Variants in IQCM observed in about 807,000 individuals in gnomAD.
IQCM encodes the protein IQ domain-containing protein M.
Under a neutral mutation model 57.6 loss-of-function variants are expected in IQCM, and 45 were observed. That is an observed-to-expected ratio of 0.78 (90% CI 0.62 to 1.00). IQCM has a LOEUF of 1.00. Ranked by LOEUF, IQCM falls within the 50% of genes least tolerant of loss-of-function variation. The pLI is 0.00. For synonymous variants in IQCM, 148 were observed against 158.9 expected, an observed-to-expected ratio of 0.93 and a Z score of 0.51; for missense variants, 468 against 511.6, an observed-to-expected ratio of 0.91 and a Z score of 0.82.
chr4:149,503,863 G>A (rs1006728172), intron 12 of IQCM, among the ~76,000 whole-genome samples: 9 of 151,774 alleles, frequency 5.9e-5, no homozygotes, highest in Admixed American at 5.3e-4. Context: ...ACATCAAATT[G>A]GAGATGAAAT....
intron 5 of IQCM, among the ~76,000 whole-genome samples, chr4:149,732,542 C>G (rs970153931): frequency 6.6e-6 from 1 of 152,160 alleles, no homozygotes; most frequent in African/African-American, 2.4e-5. Flanking sequence ...CTTTTAATTG[C>G]TGTTTCTCCA....
At chr4:149,476,648 A>G (rs1464663410) in intron 12 of IQCM, among the ~76,000 whole-genome samples, 1 of 152,186 alleles carries the variant, frequency 6.6e-6, no homozygotes, top group Non-Finnish European at 1.5e-5. Flanking sequence ...AATAAAAGAC[A>G]TCAACCGAAA....
At chr4:149,481,711 T>TTTGTTTTTTTTTTTGTTTTTTTTTG (rs1560896074) in intron 12 of IQCM, among the ~76,000 whole-genome samples, 2 of 137,854 alleles carry the variant, frequency 1.5e-5, no homozygotes, top group African/African-American at 5.4e-5. Context: ...GTTTTTTTTT[T>TTTGTTTTTTTTTTTGTTTTTTTTTG]TTTTTTTTTT....
At chr4:149,527,240 T>G (rs1257926648) in intron 12 of IQCM, among the ~76,000 whole-genome samples, 1 of 152,246 alleles carries the variant, frequency 6.6e-6, no homozygotes, top group Non-Finnish European at 1.5e-5. Flanking sequence ...ATGAAGTGAC[T>G]ACTATTTATG....
chr4:149,738,525 G>A lies in IQCM; in HGVS notation c.38-3067C>T, dbSNP rs770804986. 3.9e-5 allele frequency among the ~76,000 whole-genome samples: 6 copies of A among 152,184 alleles called. No individual in the cohort carries two copies. In the East Asian group the frequency reaches 9.7e-4, roughly 25 times the overall value. On this transcript the variant is annotated intron_variant, in intron 3 of 13. Coordinates refer to ENST00000636793, the MANE Select transcript of IQCM (RefSeq NM_001363507.2). ...TGTGGACCGTGGAGAAACTATATGC[G>A]CTCTAGTAGCGCTAATGGCCTTGCT...
At chr4:149,571,768 A>T (rs1320962320) in intron 9 of IQCM, among the ~76,000 whole-genome samples, 1 of 152,124 alleles carries the variant, frequency 6.6e-6, no homozygotes, top group Non-Finnish European at 1.5e-5. Flanking sequence ...TTTTGTCTGT[A>T]AATAAAAATA....
chr4:149,708,128 A>T (rs1764294590), intron 5 of IQCM, among the ~76,000 whole-genome samples: 1 of 152,014 alleles, frequency 6.6e-6, no homozygotes, highest in Non-Finnish European at 1.5e-5. Context: ...ACACAGTCAG[A>T]ATGTTTCCCA....
intron 2 of IQCM, among the ~76,000 whole-genome samples, chr4:149,805,728 T>C (rs1281019909): frequency 6.6e-6 from 1 of 152,034 alleles, no homozygotes; most frequent in Non-Finnish European, 1.5e-5. Flanking sequence ...CAATTTCATA[T>C]CAATGTCATC....
At chr4:149,357,063 A>T (rs1290204306) in intron 13 of IQCM, among the ~76,000 whole-genome samples, 2 of 152,034 alleles carry the variant, frequency 1.3e-5, no homozygotes, top group African/African-American at 2.4e-5. Context: ...TATTGGTGTA[A>T]AAGAATGCTT....
At chr4:149,720,579 T>C (rs1765364286) in intron 5 of IQCM, among the ~76,000 whole-genome samples, 1 of 152,150 alleles carries the variant, frequency 6.6e-6, no homozygotes, top group South Asian at 2.1e-4. Flanking sequence ...GTTCAAGACA[T>C]TTGTCATTCA....
At chr4:149,591,106 C>T (rs548965290) in intron 8 of IQCM, among the ~76,000 whole-genome samples, 2 of 152,128 alleles carry the variant, frequency 1.3e-5, no homozygotes, top group Admixed American at 1.3e-4. Flanking sequence ...ACTTTTCATA[C>T]TCCTTTTCCC....
Position 149,815,656 on chromosome 4 carries a change from T to G in IQCM, c.-143A>C, listed in dbSNP as rs1774994819. 1.3e-5 allele frequency: 2 copies of G among 152,018 alleles called. No homozygotes were observed. The allele number at this position is 152,018 out of a possible 1,614,324, so 9.4% of individuals were successfully genotyped here. On this transcript the variant is annotated 5_prime_UTR_variant, in exon 1 of 14. The change abolishes an upstream ATG in the 5' untranslated region. Coordinates refer to ENST00000636793, the MANE Select transcript of IQCM (RefSeq NM_001363507.2). ...AAACAAATTCACTGCCCCAAAATCA[T>G]AATAATCTCAGTTGCTTCACAGCAT...
intron 12 of IQCM, among the ~76,000 whole-genome samples, chr4:149,518,558 C>G (rs1432074214): frequency 1.3e-5 from 2 of 152,010 alleles, no homozygotes. Context: ...TAGCATATTA[C>G]AAGTCACATG....
At chr4:149,398,187 C>A (rs1732364894) in intron 13 of IQCM, among the ~76,000 whole-genome samples, 2 of 151,788 alleles carry the variant, frequency 1.3e-5, no homozygotes, top group South Asian at 4.2e-4. Flanking sequence ...ATTAGTTGAC[C>A]ATGTATGGGT....
intron 12 of IQCM, among the ~76,000 whole-genome samples, chr4:149,455,234 G>A (rs1737567980): frequency 6.6e-6 from 1 of 152,010 alleles, no homozygotes; most frequent in Admixed American, 6.6e-5. Flanking sequence ...GGGAGATGAA[G>A]GCTGTAAGAT....
chr4:149,461,541 C>G lies in IQCM; in HGVS notation c.1229-27984G>C, dbSNP rs1738284657. ...TGGTGGCATGTGCCTGTAGTCCTAG[C>G]TACTTGGGTGGCTAAGCTGGGAGGA... On this transcript the variant is annotated intron_variant, in intron 12 of 13. Coordinates refer to ENST00000636793, the MANE Select transcript of IQCM (RefSeq NM_001363507.2). Among the ~76,000 whole-genome samples, 4 of 151,432 alleles carry G rather than the reference C, an allele frequency of 2.6e-5. No individual in the cohort carries two copies. The South Asian group carries it at 6.2e-4, about 24-fold the overall frequency.
chr4:149,738,814 C>A (rs974297749), intron 3 of IQCM, among the ~76,000 whole-genome samples: 1 of 152,198 alleles, frequency 6.6e-6, no homozygotes, highest in Non-Finnish European at 1.5e-5. Context: ...TCTACCATCA[C>A]TAAAAAGTGG....
intron 2 of IQCM, among the ~76,000 whole-genome samples, chr4:149,791,526 T>C (rs1772610608): frequency 6.6e-6 from 1 of 152,152 alleles, no homozygotes; most frequent in Non-Finnish European, 1.5e-5. Flanking sequence ...TCATACTCCT[T>C]CCATCTAGCT....
intron 12 of IQCM, among the ~76,000 whole-genome samples, chr4:149,488,325 G>C (rs1161482291): frequency 6.6e-6 from 1 of 151,936 alleles, no homozygotes; most frequent in Non-Finnish European, 1.5e-5. Context: ...TTATAAAACA[G>C]GCATAAAAAT....
Sources: gnomAD v4.1 joint callset for allele counts (sites outside exome capture counted in the v4.1 genomes callset) on GRCh38, gnomAD v4.1.1 for gene constraint, MANE v1.5 for transcripts, NCBI Gene and HGNC (gene_info 2026-07-23, HGNC 2026-07-21) for gene names.